Variants in TBC1D19 observed in about 807,000 individuals in gnomAD.
The protein encoded by TBC1D19 is TBC1 domain family member 19.
In TBC1D19, 60 loss-of-function variants were observed where a neutral mutation model predicts 89.0. That is an observed-to-expected ratio of 0.67 (90% CI 0.55 to 0.84). TBC1D19 has a LOEUF of 0.84. TBC1D19 is among the 40% of genes least tolerant of loss of function. The pLI is 0.00. For synonymous variants in TBC1D19, 189 were observed against 199.7 expected, an observed-to-expected ratio of 0.95 and a Z score of 0.45; for missense variants, 500 against 610.8, an observed-to-expected ratio of 0.82 and a Z score of 1.91.
the TBC1D19 span, among the ~76,000 whole-genome samples, chr4:26,772,125 C>CTTT: frequency 6.2e-3 from 871 of 139,900 alleles, 10 homozygotes; most frequent in African/African-American, 0.022. Flanking sequence ...AGCCCTCCAA[C>CTTT]TTTTTTTTTT....
At chr4:26,655,398 C>T (rs1744721255) in intron 7 of TBC1D19, among the ~76,000 whole-genome samples, 1 of 152,226 alleles carries the variant, frequency 6.6e-6, no homozygotes, top group Non-Finnish European at 1.5e-5. Context: ...CTCTTCAAAG[C>T]TGTCAGACAG....
At chr4:26,633,406 C>G (rs1742923931) in intron 4 of TBC1D19, among the ~76,000 whole-genome samples, 1 of 152,016 alleles carries the variant, frequency 6.6e-6, no homozygotes, top group African/African-American at 2.4e-5. Context: ...TGTCCAATAT[C>G]AAAACAGCTT....
At chr4:26,804,188 C>G in the TBC1D19 span, among the ~76,000 whole-genome samples, 3 of 152,082 alleles carry the variant, frequency 2.0e-5, no homozygotes, top group Non-Finnish European at 4.4e-5. Context: ...CTCTGTCCCC[C>G]AGGCAGGAGT....
At chr4:26,713,798 C>T (rs1716363434) in intron 13 of TBC1D19, among the ~76,000 whole-genome samples, 3 of 152,008 alleles carry the variant, frequency 2.0e-5, no homozygotes. Context: ...AAAAAGAACA[C>T]AAGGGATATA....
At chr4:26,703,761 G>C (rs1365430447) in intron 13 of TBC1D19, among the ~76,000 whole-genome samples, 2 of 151,634 alleles carry the variant, frequency 1.3e-5, no homozygotes, top group Non-Finnish European at 2.9e-5. Flanking sequence ...AGACCATCCT[G>C]GCTAACATGG....
At chr4:26,741,876 C>A (rs1718396500) in intron 17 of TBC1D19, among the ~76,000 whole-genome samples, 2 of 152,184 alleles carry the variant, frequency 1.3e-5, no homozygotes, top group Admixed American at 1.3e-4. Flanking sequence ...TTGTACTTTA[C>A]AAATAATGCC....
At chr4:26,609,371 T>C (rs1741221113) in intron 1 of TBC1D19, among the ~76,000 whole-genome samples, 1 of 152,160 alleles carries the variant, frequency 6.6e-6, no homozygotes, top group Non-Finnish European at 1.5e-5. Context: ...GAAAATTACA[T>C]TGTAATCTGA....
intron 15 of TBC1D19, among the ~76,000 whole-genome samples, chr4:26,733,759 G>A (rs1259236189): frequency 6.6e-6 from 1 of 152,198 alleles, no homozygotes; most frequent in Non-Finnish European, 1.5e-5. Flanking sequence ...TCTAACTGGA[G>A]TGGTTCACCA....
At chr4:26,785,016 C>T in the TBC1D19 span, among the ~76,000 whole-genome samples, 2 of 152,194 alleles carry the variant, frequency 1.3e-5, no homozygotes. Context: ...CCCTAGTTCT[C>T]CCAATATCCA....
the TBC1D19 span, among the ~76,000 whole-genome samples, chr4:26,815,099 T>G: frequency 6.6e-6 from 1 of 152,112 alleles, no homozygotes; most frequent in Admixed American, 6.5e-5. Context: ...AACAACTATA[T>G]CACTCATTAA....
At chr4:26,802,060 C>T in the TBC1D19 span, among the ~76,000 whole-genome samples, 1 of 152,030 alleles carries the variant, frequency 6.6e-6, no homozygotes, top group African/African-American at 2.4e-5. Context: ...ATATATACAC[C>T]TTTATCCAGA....
At chr4:26,851,333 C>CTATCTATCTATCTATCTATG in the TBC1D19 span, among the ~76,000 whole-genome samples, 1 of 151,974 alleles carries the variant, frequency 6.6e-6, no homozygotes, top group East Asian at 1.9e-4. Context: ...ATCTATCTAT[C>CTATCTATCTATCTATCTATG]TATCTATCTA....
At chr4:26,820,341 C>T in the TBC1D19 span, among the ~76,000 whole-genome samples, 1 of 152,184 alleles carries the variant, frequency 6.6e-6, no homozygotes, top group African/African-American at 2.4e-5. Flanking sequence ...CTCCACCTGC[C>T]CACCCCTATC....
chr4:26,725,929 T>C (rs984650991), intron 15 of TBC1D19, among the ~76,000 whole-genome samples: 1 of 152,064 alleles, frequency 6.6e-6, no homozygotes, highest in Non-Finnish European at 1.5e-5. Context: ...GGAATAAGAA[T>C]AGAAGCAAGG....
intron 12 of TBC1D19, among the ~76,000 whole-genome samples, chr4:26,685,683 G>C (rs779825200): frequency 3.9e-5 from 6 of 152,174 alleles, no homozygotes; most frequent in Non-Finnish European, 7.4e-5. Flanking sequence ...ACAGTCCTTT[G>C]ATGGAAAGTC....
At chr4:26,798,014 G>A in the TBC1D19 span, among the ~76,000 whole-genome samples, 1 of 152,134 alleles carries the variant, frequency 6.6e-6, no homozygotes, top group African/African-American at 2.4e-5. Flanking sequence ...GACCTTAAAA[G>A]CAAATGCAAC....
chr4:26,823,291 T>TAATG, the TBC1D19 span, among the ~76,000 whole-genome samples: 118 of 152,140 alleles, frequency 7.8e-4, no homozygotes, highest in African/African-American at 2.7e-3. Context: ...TCCCACCGGG[T>TAATG]CCCTCCCACA....
At chr4:26,705,608 A>G (rs1400642802) in intron 13 of TBC1D19, among the ~76,000 whole-genome samples, 1 of 152,114 alleles carries the variant, frequency 6.6e-6, no homozygotes, top group Non-Finnish European at 1.5e-5. Context: ...ATTTGACCGT[A>G]TATTCAAGGT....
chr4:26,750,356 A>G (rs1204237911), intron 19 of TBC1D19, among the ~76,000 whole-genome samples: 1 of 152,210 alleles, frequency 6.6e-6, no homozygotes, highest in Admixed American at 6.5e-5. Flanking sequence ...AAGCATGTTT[A>G]AAAGGAGGGC....
Sources: gnomAD v4.1 joint callset for allele counts (sites outside exome capture counted in the v4.1 genomes callset) on GRCh38, gnomAD v4.1.1 for gene constraint, MANE v1.5 for transcripts, NCBI Gene and HGNC (gene_info 2026-07-23, HGNC 2026-07-21) for gene names.